Variants in SHC3 observed in about 807,000 individuals in gnomAD.
The protein encoded by SHC3 is SHC adaptor protein 3.
SHC3 carries 15 observed loss-of-function variants against 60.4 expected under a neutral mutation model. The observed-to-expected ratio is 0.25, with a 90% CI of 0.17 to 0.38. SHC3 has a LOEUF of 0.38. SHC3 is among the 10% of genes least tolerant of loss of function. SHC3 has a pLI of 1.00. For synonymous variants in SHC3, 294 were observed against 325.9 expected, an observed-to-expected ratio of 0.90 and a Z score of 1.05; for missense variants, 677 against 786.1, an observed-to-expected ratio of 0.86 and a Z score of 1.66.
At chr9:89,054,295 T>C (rs1462589842) in intron 6 of SHC3, among the ~76,000 whole-genome samples, 1 of 152,142 alleles carries the variant, frequency 6.6e-6, no homozygotes, top group African/African-American at 2.4e-5. Flanking sequence ...GCCCTGCAGA[T>C]TGTGAGTAGA....
intron 11 of SHC3, among the ~76,000 whole-genome samples, chr9:89,027,175 C>T (rs1172988726): frequency 1.3e-5 from 2 of 152,130 alleles, no homozygotes; most frequent in African/African-American, 2.4e-5. Flanking sequence ...TTGTCCTGGT[C>T]ATTTGTGTAT....
chr9:89,141,565 T>C (rs115394923), intron 1 of SHC3, among the ~76,000 whole-genome samples: 1,578 of 151,772 alleles, frequency 0.01, 30 homozygotes, highest in African/African-American at 0.036. Context: ...CTTTCCCTAG[T>C]GAACAGCCCT....
chr9:89,089,765 G>T (rs1438715178), intron 2 of SHC3, among the ~76,000 whole-genome samples: 1 of 152,184 alleles, frequency 6.6e-6, no homozygotes, highest in African/African-American at 2.4e-5. Context: ...AGGATGGGGA[G>T]GGGTCAGAGC....
chr9:89,109,048 C>A, intron 2 of SHC3: 2 of 985,534 alleles, frequency 2.0e-6, no homozygotes, highest in Non-Finnish European at 2.4e-6. Context: ...CTGACCTTAC[C>A]TGCCCTTCTT....
chr9:89,101,053 T>C lies in SHC3; in HGVS notation c.545+11503A>G, dbSNP rs77757109. ...CTGAGTCTTTAGTCTATGAACACGG[T>C]ATATCTGTCCATTTATTTAGCTCTT... On this transcript the variant is annotated intron_variant, in intron 2 of 11. Coordinates refer to ENST00000375835, the MANE Select transcript of SHC3 (RefSeq NM_016848.6). Among the ~76,000 whole-genome samples the C allele has an allele frequency of 8.7e-3, 1,332 of 152,334 alleles. 17 individuals are homozygous for C. Among genetic ancestry groups the C allele is most frequent in the African/African-American group, 0.03 (1,259 of 41,580 alleles).
chr9:89,116,094 AT>A (rs1430732209), intron 1 of SHC3, among the ~76,000 whole-genome samples: 1 of 152,182 alleles, frequency 6.6e-6, no homozygotes, highest in Non-Finnish European at 1.5e-5. Context: ...AAATTACGTG[AT>A]ACTGTGATGA....
chr9:89,075,365 A>G (rs986699760), intron 3 of SHC3, 137 bp from the exon 4 acceptor site: 3 of 1,184,786 alleles, frequency 2.5e-6, no homozygotes, highest in Non-Finnish European at 2.4e-6. Flanking sequence ...TGTGAAATGA[A>G]TAAGCTGGGA....
chr9:89,116,635 A>G (rs1248316285), intron 1 of SHC3, among the ~76,000 whole-genome samples: 1 of 152,238 alleles, frequency 6.6e-6, no homozygotes, highest in African/African-American at 2.4e-5. Context: ...TCAGAGTTAT[A>G]TGAATACTAT....
intron 7 of SHC3, among the ~76,000 whole-genome samples, chr9:89,049,128 GCA>G (rs1824821474): frequency 6.6e-6 from 1 of 152,198 alleles, no homozygotes; most frequent in Admixed American, 6.5e-5. Context: ...GGGCGTGGTG[GCA>G]GGCGCCTGTA....
intron 1 of SHC3, among the ~76,000 whole-genome samples, chr9:89,176,527 T>C (rs1826944240): frequency 6.6e-6 from 1 of 152,250 alleles, no homozygotes; most frequent in Non-Finnish European, 1.5e-5. Flanking sequence ...ACAGCAATTA[T>C]GCTAACACCC....
chr9:89,105,210 C>A (rs1206374231), intron 2 of SHC3, among the ~76,000 whole-genome samples: 1 of 152,164 alleles, frequency 6.6e-6, no homozygotes, highest in Non-Finnish European at 1.5e-5. Flanking sequence ...GTCCTCCTGC[C>A]TTTCTGAAGG....
In SHC3 at chr9:89,114,176, T is replaced by C. The variant is rs1162019836; in HGVS notation, c.475-1550A>G. ...CCACCACCATGCTGTTCCAGAATTA[T>C]GAGAATTATGAAGATACCACAAAAA... On this transcript the variant is annotated intron_variant, in intron 1 of 11. Coordinates refer to ENST00000375835, the MANE Select transcript of SHC3 (RefSeq NM_016848.6). Among the ~76,000 whole-genome samples, 6 of 152,270 alleles carry C rather than the reference T, an allele frequency of 3.9e-5. No individual in the cohort carries two copies. In the East Asian group the frequency reaches 7.7e-4, roughly 20 times the overall value.
At chr9:89,063,521 G>T (rs1261810430) in intron 6 of SHC3, among the ~76,000 whole-genome samples, 1 of 152,190 alleles carries the variant, frequency 6.6e-6, no homozygotes, top group East Asian at 1.9e-4. Context: ...ATGGAACCTA[G>T]AGCTGCCATA....
intron 2 of SHC3, among the ~76,000 whole-genome samples, chr9:89,078,511 G>A (rs1014743089): frequency 6.6e-6 from 1 of 152,316 alleles, no homozygotes; most frequent in Admixed American, 6.5e-5. Context: ...CCGCACTGGT[G>A]AGGCTGCTGG....
intron 9 of SHC3, 105 bp downstream of exon 9, chr9:89,045,640 CA>C: frequency 1.1e-6 from 1 of 938,368 alleles, no homozygotes; most frequent in Non-Finnish European, 1.6e-6. Context: ...CACATATATC[CA>C]GGGGTCACTC....
At chr9:89,069,176 G>A (rs60479923) in intron 5 of SHC3, among the ~76,000 whole-genome samples, 9,432 of 152,210 alleles carry the variant, frequency 0.062, 637 homozygotes, top group African/African-American at 0.16. Context: ...AGGCATGGTG[G>A]TGTGTGCCTG....
At chr9:89,053,797 G>A (rs533208756) in intron 6 of SHC3, among the ~76,000 whole-genome samples, 18 of 152,288 alleles carry the variant, frequency 1.2e-4, no homozygotes, top group African/African-American at 4.1e-4. Context: ...CCAAGCAGCT[G>A]TTACAGTTGT....
chr9:89,113,301 G>A (rs541003564), intron 1 of SHC3, among the ~76,000 whole-genome samples: 2 of 152,216 alleles, frequency 1.3e-5, no homozygotes, highest in African/African-American at 4.8e-5. Flanking sequence ...CTAAAGTTAT[G>A]GATAAAGAGC....
intron 11 of SHC3, among the ~76,000 whole-genome samples, chr9:89,019,635 T>A (rs1359729343): frequency 6.6e-6 from 1 of 152,192 alleles, no homozygotes; most frequent in Non-Finnish European, 1.5e-5. Flanking sequence ...ATTTAAAATT[T>A]AAAATGCCAT....
Sources: allele counts gnomAD v4.1 joint callset (sites outside exome capture counted in the v4.1 genomes callset), GRCh38; gene constraint gnomAD v4.1.1; transcripts MANE v1.5; gene names NCBI Gene and HGNC (gene_info 2026-07-23, HGNC 2026-07-21).